Variants in XKR4 observed in about 807,000 individuals in gnomAD.
XKR4 encodes the protein XK related 4.
A neutral mutation model predicts 53.9 loss-of-function variants in XKR4; 12 were observed. The ratio of observed to expected loss-of-function variants is 0.22; its 90% CI spans 0.14 to 0.36. The LOEUF (loss-of-function observed/expected upper bound fraction) is 0.36. Among genes scored for constraint, XKR4 ranks in the 10% least tolerant of loss-of-function variants. XKR4 has a pLI of 1.00. For missense variants in XKR4, 799 were observed against 859.5 expected (o/e 0.93, Z 0.88); for synonymous variants, 354 against 362.4 (o/e 0.98, Z 0.26).
At chr8:55,478,009 A>C (rs879370397) in intron 2 of XKR4, among the ~76,000 whole-genome samples, 7 of 152,132 alleles carry the variant, frequency 4.6e-5, no homozygotes, top group Non-Finnish European at 8.8e-5. Context: ...GAACTTCCCC[A>C]ATCTAGCAAG....
chr8:55,324,974 T>C (rs1803272611), intron 1 of XKR4, among the ~76,000 whole-genome samples: 1 of 151,548 alleles, frequency 6.6e-6, no homozygotes, highest in African/African-American at 2.4e-5. Context: ...TTGTTTAATG[T>C]ATATCTAATT....
chr8:55,219,905 C>G (rs1817858024), intron 1 of XKR4, among the ~76,000 whole-genome samples: 1 of 152,082 alleles, frequency 6.6e-6, no homozygotes. Context: ...TATATATACT[C>G]CAAAAATTTT....
chr8:55,304,444 G>A (rs537632683), intron 1 of XKR4, among the ~76,000 whole-genome samples: 1 of 152,140 alleles, frequency 6.6e-6, no homozygotes, highest in Admixed American at 6.6e-5. Flanking sequence ...GAATAGGTGT[G>A]GTGTGGTGCT....
At chr8:55,184,008 G>A (rs191584379) in intron 1 of XKR4, among the ~76,000 whole-genome samples, 115 of 152,102 alleles carry the variant, frequency 7.6e-4, no homozygotes, top group African/African-American at 2.5e-3. Flanking sequence ...AAACTTTCCC[G>A]AATGCCTAAT....
intron 1 of XKR4, among the ~76,000 whole-genome samples, chr8:55,203,148 T>C (rs1257337492): frequency 3.9e-5 from 6 of 152,218 alleles, no homozygotes; most frequent in African/African-American, 1.4e-4. Context: ...CCAGCACAAC[T>C]GGCACCAGCT....
intron 1 of XKR4, among the ~76,000 whole-genome samples, chr8:55,109,805 C>A (rs1816208284): frequency 6.6e-6 from 1 of 152,170 alleles, no homozygotes; most frequent in South Asian, 2.1e-4. Flanking sequence ...ACAATGTCCA[C>A]AAATCCTTGG....
At chr8:55,475,226 G>T (rs190262459) in intron 2 of XKR4, among the ~76,000 whole-genome samples, 2 of 152,088 alleles carry the variant, frequency 1.3e-5, no homozygotes, top group Non-Finnish European at 2.9e-5. Context: ...GCACCCAGAT[G>T]CAGAGAGCAA....
At chr8:55,118,908 T>A (rs1816349981) in intron 1 of XKR4, among the ~76,000 whole-genome samples, 1 of 152,254 alleles carries the variant, frequency 6.6e-6, no homozygotes, top group South Asian at 2.1e-4. Flanking sequence ...CTTAGATTTT[T>A]GATACTAATA....
At chr8:55,112,328 A>T (rs1294149164) in intron 1 of XKR4, among the ~76,000 whole-genome samples, 1 of 152,148 alleles carries the variant, frequency 6.6e-6, no homozygotes, top group African/African-American at 2.4e-5. Flanking sequence ...CAAATAGAGA[A>T]TCATGCACAT....
chr8:55,285,030 A>T (rs965389287), intron 1 of XKR4, among the ~76,000 whole-genome samples: 5 of 152,320 alleles, frequency 3.3e-5, no homozygotes, highest in South Asian at 2.1e-4. Flanking sequence ...AGTCAGATTG[A>T]TCCTGTTAAA....
In XKR4 at chr8:55,205,146, A is replaced by G. The variant is rs564703334; in HGVS notation, c.806+101852A>G. Among the ~76,000 whole-genome samples the G allele has an allele frequency of 1.6e-4, 25 of 152,378 alleles. No homozygotes were observed. The East Asian group carries it at 4.6e-3, about 28-fold the overall frequency. On this transcript the variant is annotated intron_variant, in intron 1 of 2. Coordinates refer to ENST00000327381, the MANE Select transcript of XKR4 (RefSeq NM_052898.2). ...TGCTTTCTTATATTTACTAAAACAT[A>G]AACAGCAAAATAAAATTTTCCTTAT...
intron 2 of XKR4, among the ~76,000 whole-genome samples, chr8:55,370,910 T>C (rs112782652): frequency 1.4e-4 from 22 of 152,014 alleles, no homozygotes; most frequent in African/African-American, 5.3e-4. Flanking sequence ...AATGGACGCC[T>C]GGTATGTGAC....
intron 1 of XKR4, among the ~76,000 whole-genome samples, chr8:55,241,482 TG>T (rs35231274): frequency 0.15 from 23,309 of 152,114 alleles, 2,157 homozygotes; most frequent in Non-Finnish European, 0.21. Context: ...GACCAATCCC[TG>T]GGGTATTGGC....
At chr8:55,473,339 C>T (rs1805918495) in intron 2 of XKR4, among the ~76,000 whole-genome samples, 1 of 152,122 alleles carries the variant, frequency 6.6e-6, no homozygotes, top group African/African-American at 2.4e-5. Flanking sequence ...TATCTTCTCC[C>T]CTCCTAAGTC....
intron 1 of XKR4, among the ~76,000 whole-genome samples, chr8:55,112,628 C>A (rs1004199774): frequency 8.6e-6 from 1 of 116,130 alleles, no homozygotes; most frequent in Admixed American, 1.2e-4. Flanking sequence ...AGGTAGCAAT[C>A]GTAGCAATAA....
chr8:55,465,960 T>C (rs1805760372), intron 2 of XKR4, among the ~76,000 whole-genome samples: 1 of 152,042 alleles, frequency 6.6e-6, no homozygotes, highest in Admixed American at 6.5e-5. Flanking sequence ...CCAGTTAGAA[T>C]GGTGATCATT....
rs575137898 is a variant in XKR4, at chr8:55,438,305, G to A, written c.1006+80428G>A. On this transcript the variant is annotated intron_variant, in intron 2 of 2. Coordinates refer to ENST00000327381, the MANE Select transcript of XKR4 (RefSeq NM_052898.2). Reference sequence around the variant, plus strand: ...ATGGAAATAAGAGATAAAACACAAAGAGAGGATTGTGGTAGCTCATGCCTG... The same window carrying A: ...ATGGAAATAAGAGATAAAACACAAAAAGAGGATTGTGGTAGCTCATGCCTG... Among the ~76,000 whole-genome samples the A allele has an allele frequency of 1.1e-4, 16 of 152,216 alleles. No homozygotes were observed. The South Asian group carries it at 1.5e-3, about 14-fold the overall frequency.
intron 2 of XKR4, among the ~76,000 whole-genome samples, chr8:55,498,056 T>G (rs1013460405): frequency 1.3e-5 from 2 of 152,174 alleles, no homozygotes; most frequent in Admixed American, 6.5e-5. Flanking sequence ...TTTGCAGGGC[T>G]CCGCTTGGGG....
chr8:55,106,732 T>C (rs1350502019), intron 1 of XKR4, among the ~76,000 whole-genome samples: 2 of 152,180 alleles, frequency 1.3e-5, no homozygotes, highest in Non-Finnish European at 2.9e-5. Flanking sequence ...CCAGAAAATA[T>C]GCACATTGTA....
Sources: allele counts gnomAD v4.1 joint callset (sites outside exome capture counted in the v4.1 genomes callset), GRCh38; gene constraint gnomAD v4.1.1; transcripts MANE v1.5; gene names NCBI Gene and HGNC (gene_info 2026-07-23, HGNC 2026-07-21).